Variants in WNT2B observed in about 807,000 individuals in gnomAD.
The protein encoded by WNT2B is protein Wnt-2b.
A neutral mutation model predicts 40.5 loss-of-function variants in WNT2B; 19 were observed. That is an observed-to-expected ratio of 0.47 (90% CI 0.33 to 0.69). The LOEUF is 0.69. WNT2B is among the 30% of genes least tolerant of loss of function. The pLI is 0.02. For synonymous variants in WNT2B, 220 were observed against 211.9 expected (o/e 1.04, Z -0.33); for missense variants, 467 against 556.4 (o/e 0.84, Z 1.62).
In WNT2B at chr1:112,517,158, A is replaced by T. The variant is rs749004441; in HGVS notation, c.719A>T (p.His240Leu). The change falls in exon 4 of 5, where the codon CAT becomes CTT. Residue 240 changes from histidine (H) to leucine (L), a missense_variant. His to Leu is a moderately conservative substitution (Grantham distance 99, BLOSUM62 -3). Transcript: ENST00000369684. ...TTTCTGAAGCTGGAGTGTAAGTGCC[A>T]TGGCGTGAGTGGTTCCTGTACTCTG... The part of the protein sequence containing the change: ...RRFLKLECKC[H>L]GVSGSCTLRT... 6.2e-7 allele frequency: 1 copy of T among 1,613,688 alleles called. No homozygotes were observed. Among genetic ancestry groups the T allele is most frequent in the Non-Finnish European group, 8.5e-7 (1 of 1,179,628 alleles).
chr1:112,496,836 G>A (rs1419059399), intron 1 of WNT2B, among the ~76,000 whole-genome samples: 1 of 152,074 alleles, frequency 6.6e-6, no homozygotes, highest in East Asian at 1.9e-4. Flanking sequence ...ACGACCTCCG[G>A]TGATCTGCCC....
At chr1:112,471,451 C>G (rs1650877766) in intron 1 of WNT2B, among the ~76,000 whole-genome samples, 1 of 152,212 alleles carries the variant, frequency 6.6e-6, no homozygotes, top group Non-Finnish European at 1.5e-5. Context: ...AGTGTTCTCT[C>G]CTAGATGTTC....
At chr1:112,513,554 TG>T (rs200047390) in intron 1 of WNT2B, among the ~76,000 whole-genome samples, 5 of 24,410 alleles carry the variant, frequency 2.0e-4, no homozygotes, top group Non-Finnish European at 7.0e-4. Context: ...AGGGGGGTGG[TG>T]GGGGGGGACA....
chr1:112,510,146 C>G (rs141240462), intron 1 of WNT2B, among the ~76,000 whole-genome samples: 1 of 152,056 alleles, frequency 6.6e-6, no homozygotes, highest in Non-Finnish European at 1.5e-5. Context: ...ACTAAGAGAC[C>G]CCCTCCCCAG....
At chr1:112,502,913 A>G (rs1314580307) in intron 1 of WNT2B, among the ~76,000 whole-genome samples, 3 of 152,180 alleles carry the variant, frequency 2.0e-5, no homozygotes, top group African/African-American at 7.2e-5. Flanking sequence ...TGAGCTTTTC[A>G]GGCAGGAGGG....
chr1:112,516,192 C>T lies in WNT2B; in HGVS notation c.456C>T (p.His152=), dbSNP rs137855546. 123 of 1,613,894 alleles carry T rather than the reference C, an allele frequency of 7.6e-5. No individual in the cohort carries two copies. The highest frequency in any genetic ancestry group is 9.3e-5 in the Non-Finnish European group (110 of 1,180,024). ...VYAISSAGVV[H]AITRACSQGE... ...CCATCTCATCAGCAGGGGTAGTCCA[C>T]GCTATTACTCGCGCCTGTAGCCAGG... Residue 152 remains histidine, a synonymous_variant, in exon 3 of 5, where the codon CAC becomes CAT. Transcript: ENST00000369684.
At chr1:112,468,335 G>A (rs892951437) in intron 1 of WNT2B, among the ~76,000 whole-genome samples, 4 of 152,034 alleles carry the variant, frequency 2.6e-5, no homozygotes, top group Admixed American at 2.6e-4. Context: ...AGGATTCCTG[G>A]ATTATGGTAG....
chr1:112,467,501 C>T (rs371825913), exon 1 of WNT2B: 5 of 777,100 alleles, frequency 6.4e-6, no homozygotes, highest in South Asian at 4.1e-5. Context: ...ACACTGCTGT[C>T]TCCTTTCACT....
At chr1:112,495,063 T>C (rs1028973933) in intron 1 of WNT2B, among the ~76,000 whole-genome samples, 1 of 151,508 alleles carries the variant, frequency 6.6e-6, no homozygotes, top group East Asian at 1.9e-4. Context: ...AGCAGTATAG[T>C]ATTATTTGAA....
intron 1 of WNT2B, among the ~76,000 whole-genome samples, chr1:112,479,228 A>G (rs1651145623): frequency 6.6e-6 from 1 of 151,830 alleles, no homozygotes; most frequent in South Asian, 2.1e-4. Flanking sequence ...TCTCAAAATA[A>G]ATAAATAAAT....
Position 112,525,945 on chromosome 1 carries a change from T to G in WNT2B, c.*5436T>G. On this transcript the variant is annotated 3_prime_UTR_variant, in exon 5 of 5. Coordinates refer to ENST00000369684, the MANE Select transcript of WNT2B (RefSeq NM_024494.3). ...AACAACCCTGTGAGGTAGGGGTTACTGTCACTTTACAGATGCTGTTCAGAA... is the reference window on the plus strand; with the variant it reads ...AACAACCCTGTGAGGTAGGGGTTACGGTCACTTTACAGATGCTGTTCAGAA... 6.2e-7 allele frequency: 1 copy of G among 1,601,998 alleles called. No homozygotes were observed. The highest frequency in any genetic ancestry group is 8.5e-7 in the Non-Finnish European group (1 of 1,171,550).
intron 1 of WNT2B, among the ~76,000 whole-genome samples, chr1:112,511,085 C>T (rs928264558): frequency 1.3e-5 from 2 of 152,242 alleles, no homozygotes; most frequent in South Asian, 4.2e-4. Flanking sequence ...ATTTCAGCAT[C>T]CTGGCAGTGG....
Position 112,487,844 on chromosome 1 carries a change from G to T in WNT2B, c.-95+20253G>T, listed in dbSNP as rs140264379. Among the ~76,000 whole-genome samples the T allele has an allele frequency of 1.4e-3, 203 of 140,632 alleles. 1 individual carries two copies. The highest frequency in any genetic ancestry group is 6.5e-3 in the Admixed American group (83 of 12,770). 92.3% of individuals were successfully genotyped at this position (140,632 alleles called of 152,430 possible). ...GCTATGTCAGGAGGTTGAGGCACAA[G>T]AATTGCTTGAACCAAGGAGACAGAG... is the stretch of plus-strand genomic sequence containing the variant. On this transcript the variant is annotated intron_variant, in intron 1 of 4. Coordinates refer to the WNT2B transcript ENST00000256640.
At chr1:112,504,680 G>A (rs943662480), upstream of WNT2B, among the ~76,000 whole-genome samples, 1 of 152,118 alleles carries the variant, frequency 6.6e-6, no homozygotes. Flanking sequence ...TTTCAAATAA[G>A]ACCTGCCTCG....
At chr1:112,473,139 G>GAAGAAGGAAGGA (rs1553229400) in intron 1 of WNT2B, among the ~76,000 whole-genome samples, 2 of 140,446 alleles carry the variant, frequency 1.4e-5, no homozygotes, top group South Asian at 2.3e-4. Context: ...GAGAAAGAAA[G>GAAGAAGGAAGGA]AAGAAGGAAG....
chr1:112,483,360 C>A (rs987151305), intron 1 of WNT2B, among the ~76,000 whole-genome samples: 1 of 152,048 alleles, frequency 6.6e-6, no homozygotes, highest in Non-Finnish European at 1.5e-5. Context: ...AACAAGGATG[C>A]CAATAACACA....
Position 112,498,202 on chromosome 1 carries a change from T to C in WNT2B, c.-94-16672T>C, listed in dbSNP as rs58189197. 8.2e-3 allele frequency among the ~76,000 whole-genome samples: 1,252 copies of C among 152,118 alleles called. 14 individuals are homozygous for C. Among genetic ancestry groups the C allele is most frequent in the African/African-American group, 0.028 (1,171 of 41,500 alleles). On this transcript the variant is annotated intron_variant, in intron 1 of 4. Transcript: ENST00000256640. ...GTGTTAGTTTGCTGAGAATGGTGGCTTCTAGCTGCATCCATGTCCCTGTAA... is the reference window on the plus strand; with the variant it reads ...GTGTTAGTTTGCTGAGAATGGTGGCCTCTAGCTGCATCCATGTCCCTGTAA...
Position 112,509,403 on chromosome 1 carries a change from G to T in WNT2B, c.141G>T (p.Leu47=), listed in dbSNP as rs1187112504. ...TAGGTCTTGCCTGCCTTCTGCTCCT[G>T]CTGCTGCTGACGCTGCCGGCCCGCG... ...ARLGLACLLL[L]LLLTLPARVD... is the part of the protein sequence containing the mutation. Residue 47 remains leucine (L), a synonymous_variant, in exon 1 of 5, where the codon CTG becomes CTT. Coordinates refer to ENST00000369684, the MANE Select transcript of WNT2B (RefSeq NM_024494.3). This position sits in a 1 kb window ranked among gnomAD's most constrained non-coding sequence, Gnocchi z 4.2. The T allele has an allele frequency of 6.3e-7, 1 of 1,592,512 alleles. No individual in the cohort carries two copies. The highest frequency in any genetic ancestry group is 1.1e-5 in the South Asian group (1 of 89,658).
rs1409556254 is a variant in WNT2B, at chr1:112,509,091, C to T, written c.-172C>T. The T allele has an allele frequency of 3.7e-6, 5 of 1,351,806 alleles. No homozygotes were observed. Among genetic ancestry groups the T allele is most frequent in the Non-Finnish European group, 4.7e-6 (5 of 1,060,916 alleles). 83.7% of individuals were successfully genotyped at this position (1,351,806 alleles called of 1,614,324 possible). A position where few individuals can be genotyped will look rare whatever the true frequency, so the allele number is the denominator to read the frequency against. On this transcript the variant is annotated 5_prime_UTR_variant, in exon 1 of 5. Transcript: ENST00000369684. The surrounding 1 kb of genome is among the most constrained non-coding windows in gnomAD (Gnocchi z 4.2). ...CGGCTTCCGGACATCGCAACTTGCG[C>T]CCCTCTCGGGGATCCTCCTCCCGGG...
Sources: allele counts gnomAD v4.1 joint callset (sites outside exome capture counted in the v4.1 genomes callset), GRCh38; gene constraint gnomAD v4.1.1; non-coding constraint Gnocchi (gnomAD v3.1); transcripts MANE v1.5; gene names NCBI Gene and HGNC (gene_info 2026-07-23, HGNC 2026-07-21).